Variants in NAALADL2 observed in about 807,000 individuals in gnomAD.
The protein encoded by NAALADL2 is N-acetylated alpha-linked acidic dipeptidase like 2.
In NAALADL2, 76 loss-of-function variants were observed where a neutral mutation model predicts 87.2. The observed-to-expected ratio is 0.87, with a 90% confidence interval of 0.72 to 1.05. The LOEUF is 1.05. Ranked by LOEUF, NAALADL2 falls within the 50% of genes least tolerant of loss-of-function variation. The pLI is 0.00. For synonymous variants in NAALADL2, 354 were observed against 331.0 expected, an observed-to-expected ratio of 1.07 and a Z score of -0.75; for missense variants, 1,089 against 945.8, an observed-to-expected ratio of 1.15 and a Z score of -1.99.
chr3:175,170,733 A>T (rs565914641), intron 2 of NAALADL2, among the ~76,000 whole-genome samples: 20 of 151,632 alleles, frequency 1.3e-4, no homozygotes, highest in African/African-American at 4.6e-4. Flanking sequence ...CCATATTAGG[A>T]AATAATTAAA....
intron 3 of NAALADL2, among the ~76,000 whole-genome samples, chr3:174,804,911 G>T (rs565696069): frequency 6.6e-6 from 1 of 152,216 alleles, no homozygotes; most frequent in South Asian, 2.1e-4. Context: ...ATTTTAAATT[G>T]TCTAATTATC....
At chr3:175,448,977 A>C (rs980055985) in intron 6 of NAALADL2, among the ~76,000 whole-genome samples, 1 of 152,120 alleles carries the variant, frequency 6.6e-6, no homozygotes, top group Admixed American at 6.5e-5. Flanking sequence ...CAGCCTCCCA[A>C]AGTGCTAGGA....
intron 5 of NAALADL2, among the ~76,000 whole-genome samples, chr3:175,333,689 G>T (rs941100869): frequency 6.7e-6 from 1 of 149,902 alleles, no homozygotes; most frequent in Non-Finnish European, 1.5e-5. Flanking sequence ...GGTGGGCGCC[G>T]GGGGGATGAA....
chr3:174,447,600 G>A (rs537326032), intron 1 of NAALADL2, among the ~76,000 whole-genome samples: 3 of 152,146 alleles, frequency 2.0e-5, no homozygotes, highest in African/African-American at 4.8e-5. Context: ...GGCGGATCAC[G>A]AGGTCAGGAG....
At chr3:174,529,930 G>A (rs1721090402) in intron 1 of NAALADL2, among the ~76,000 whole-genome samples, 1 of 152,116 alleles carries the variant, frequency 6.6e-6, no homozygotes, top group Admixed American at 6.5e-5. Context: ...AAAGGTCTCT[G>A]ACCTGCCTTG....
upstream of NAALADL2, among the ~76,000 whole-genome samples, chr3:174,854,712 A>G (rs1039227309): frequency 1.3e-5 from 2 of 152,164 alleles, no homozygotes. Context: ...AATAAAAATG[A>G]CAAAAAACTT....
intron 5 of NAALADL2, among the ~76,000 whole-genome samples, chr3:175,392,532 T>C (rs1198365574): frequency 6.6e-6 from 1 of 152,228 alleles, no homozygotes; most frequent in Non-Finnish European, 1.5e-5. Flanking sequence ...TACTTTTAGA[T>C]GTAATTCTTG....
chr3:175,404,540 G>A (rs918409203), intron 5 of NAALADL2, among the ~76,000 whole-genome samples: 1 of 152,062 alleles, frequency 6.6e-6, no homozygotes, highest in Non-Finnish European at 1.5e-5. Context: ...GTCAGAGAAG[G>A]TATATGTTGA....
At chr3:174,598,982 A>C (rs1011055014) in intron 2 of NAALADL2, among the ~76,000 whole-genome samples, 1 of 152,180 alleles carries the variant, frequency 6.6e-6, no homozygotes, top group Non-Finnish European at 1.5e-5. Flanking sequence ...AGCTCCATGT[A>C]ACATTTTAAT....
chr3:175,551,096 G>A (rs535245335), intron 9 of NAALADL2, among the ~76,000 whole-genome samples: 1 of 152,194 alleles, frequency 6.6e-6, no homozygotes, highest in East Asian at 1.9e-4. Context: ...GCGTGTGTGT[G>A]TGTGTGTGTT....
chr3:174,572,921 TC>T (rs1488137032), intron 2 of NAALADL2, among the ~76,000 whole-genome samples: 2 of 152,168 alleles, frequency 1.3e-5, no homozygotes, highest in African/African-American at 4.8e-5. Context: ...AATGGTATGA[TC>T]CTAATTTCCC....
intron 2 of NAALADL2, among the ~76,000 whole-genome samples, chr3:174,634,672 G>C (rs1201917982): frequency 6.6e-6 from 1 of 152,082 alleles, no homozygotes; most frequent in Non-Finnish European, 1.5e-5. Flanking sequence ...AGGATGATAG[G>C]CTAAAGTGGA....
chr3:174,624,177 T>G (rs1721319738), intron 2 of NAALADL2, among the ~76,000 whole-genome samples: 1 of 114,624 alleles, frequency 8.7e-6, no homozygotes. Context: ...TTCTGTAAGC[T>G]TATACACTGA....
At chr3:175,461,056 T>A (rs1165915258) in intron 6 of NAALADL2, among the ~76,000 whole-genome samples, 4 of 152,152 alleles carry the variant, frequency 2.6e-5, no homozygotes, top group Non-Finnish European at 4.4e-5. Context: ...GAGTGCTGAT[T>A]GGTGGGTTTA....
chr3:174,533,131 C>CG (rs1721399382), intron 1 of NAALADL2, among the ~76,000 whole-genome samples: 1 of 150,702 alleles, frequency 6.6e-6, no homozygotes, highest in African/African-American at 2.4e-5. Context: ...TTTAGCCAAC[C>CG]GGGATTAGTT....
intron 7 of NAALADL2, among the ~76,000 whole-genome samples, chr3:175,466,411 T>C (rs1053512703): frequency 7.9e-5 from 12 of 152,136 alleles, no homozygotes; most frequent in African/African-American, 2.9e-4. Context: ...TTAAATAAAA[T>C]ATGTAAAAGG....
chr3:175,401,629 C>T (rs549137983), intron 5 of NAALADL2, among the ~76,000 whole-genome samples: 3 of 152,218 alleles, frequency 2.0e-5, no homozygotes, highest in African/African-American at 7.2e-5. Flanking sequence ...TGTTACTGTA[C>T]TGAACATTAC....
At chr3:175,495,096 T>TTTATATATATATATATATATTTA (rs1728635110) in intron 9 of NAALADL2, among the ~76,000 whole-genome samples, 1 of 145,852 alleles carries the variant, frequency 6.9e-6, no homozygotes, top group African/African-American at 2.5e-5. Context: ...ATATATATTT[T>TTTATATATATATATATATATTTA]TTTTTAATTT....
chr3:174,602,178 A>G (rs1020474979), intron 2 of NAALADL2, among the ~76,000 whole-genome samples: 1 of 152,048 alleles, frequency 6.6e-6, no homozygotes, highest in Non-Finnish European at 1.5e-5. Context: ...GGTATTTTGA[A>G]AGGGGTTGCA....
Sources: allele counts gnomAD v4.1 joint callset (sites outside exome capture counted in the v4.1 genomes callset), GRCh38; gene constraint gnomAD v4.1.1; transcripts MANE v1.5; gene names NCBI Gene and HGNC (gene_info 2026-07-23, HGNC 2026-07-21).